The following CLASP1 variants were observed in gnomAD, a reference collection of about 807,000 sequenced individuals.
CLASP1 encodes the protein cytoplasmic linker associated protein 1, also known as CLIP-associating protein 1.
In CLASP1, 38 loss-of-function variants were observed where a neutral mutation model predicts 192.3. That is an observed-to-expected ratio of 0.20 (90% confidence interval 0.15 to 0.26). The LOEUF is 0.26. Among genes scored for constraint, CLASP1 ranks in the 10% least tolerant of loss-of-function variants. The pLI is 1.00. For missense variants in CLASP1, 1,433 were observed against 1,932.5 expected (o/e 0.74, Z 4.85); for synonymous variants, 691 against 712.8 (o/e 0.97, Z 0.49).
At chr2:121,406,955 T>C (rs550473314) in intron 25 of CLASP1, among the ~76,000 whole-genome samples, 60 of 151,668 alleles carry the variant, frequency 4.0e-4, no homozygotes, top group Non-Finnish European at 7.8e-4. Flanking sequence ...CGGTGGCTCA[T>C]GCCTGTAAGC....
chr2:121,540,617 T>C (rs2095210647), intron 2 of CLASP1, among the ~76,000 whole-genome samples: 1 of 151,898 alleles, frequency 6.6e-6, no homozygotes, highest in African/African-American at 2.4e-5. Context: ...TGAAACCCCG[T>C]TTCTACTAAA....
intron 30 of CLASP1, among the ~76,000 whole-genome samples, chr2:121,393,680 A>G (rs924154020): frequency 6.6e-6 from 1 of 152,194 alleles, no homozygotes; most frequent in East Asian, 1.9e-4. Context: ...ACATCAAAAC[A>G]GGGAATTTAA....
In CLASP1 at chr2:121,398,404, G is replaced by C. The variant is rs749402817; in HGVS notation, c.2901-4C>G. On this transcript the variant is annotated splice_polypyrimidine_tract_variant and splice_region_variant and intron_variant, in intron 28 of 39. Transcript: ENST00000263710. ...TTGATCAAATGGAAAGGAGTCCCTA[G>C]GTTGGTGGGAAAAAAGTGCTTATTT... 1 of 1,574,424 alleles carries C rather than the reference G, an allele frequency of 6.4e-7. No individual in the cohort carries two copies.
chr2:121,354,748 G>C (rs2065085130), intron 37 of CLASP1, among the ~76,000 whole-genome samples: 1 of 152,228 alleles, frequency 6.6e-6, no homozygotes, highest in South Asian at 2.1e-4. Context: ...TGATGCACAG[G>C]AGTCAATATC....
chr2:121,537,228 C>CA (rs1279243175), intron 2 of CLASP1, among the ~76,000 whole-genome samples: 2 of 151,838 alleles, frequency 1.3e-5, no homozygotes, highest in Non-Finnish European at 2.9e-5. Context: ...CCTGTCTCTA[C>CA]AAAAAATACA....
chr2:121,609,701 G>A (rs190771191), intron 1 of CLASP1, among the ~76,000 whole-genome samples: 215 of 152,342 alleles, frequency 1.4e-3, no homozygotes, highest in Non-Finnish European at 2.6e-3. Flanking sequence ...CCAAGACTTT[G>A]GGAGGCTGAG....
At position 121,451,816 on chromosome 2, in the gene CLASP1, T is replaced by C. The variant is rs776203214; in HGVS notation, c.1419A>G (p.Gln473=). ...GTTCTAGTGAATGTGTCTGCCATTC[T>C]TGTAAAAGCAAATCTAAAAATTCAA... The change falls in exon 15 of 40, where the codon CAA becomes CAG. Residue 473 remains glutamine (Q), a synonymous_variant. Transcript: ENST00000263710. The C allele has an allele frequency of 2.1e-5, 33 of 1,575,386 alleles. No homozygotes were observed. In the African/African-American group the frequency reaches 3.5e-4, roughly 17 times the overall value.
intron 37 of CLASP1, among the ~76,000 whole-genome samples, chr2:121,359,886 G>C (rs2066044685): frequency 6.6e-6 from 1 of 152,142 alleles, no homozygotes; most frequent in South Asian, 2.1e-4. Context: ...TTTGGTACTT[G>C]GCACATTTTC....
intron 19 of CLASP1, among the ~76,000 whole-genome samples, chr2:121,438,600 G>C (rs112160143): frequency 0.042 from 6,347 of 152,102 alleles, 169 homozygotes; most frequent in East Asian, 0.14. Flanking sequence ...TGTGGTTTTT[G>C]TCTTTGGCTC....
exon 40 of CLASP1, chr2:121,340,189 G>T (rs772049734): frequency 2.6e-5 from 4 of 152,218 alleles, no homozygotes; most frequent in Non-Finnish European, 5.9e-5. Flanking sequence ...TGTCGGTGGA[G>T]TCGATTAGGG....
At chr2:121,345,052 G>A (rs984385151) in intron 39 of CLASP1, among the ~76,000 whole-genome samples, 6 of 152,296 alleles carry the variant, frequency 3.9e-5, no homozygotes, top group African/African-American at 2.4e-5. Flanking sequence ...CCAGCTACTC[G>A]GGAGGCTGAG....
At chr2:121,615,908 C>T (rs550036818) in intron 1 of CLASP1, among the ~76,000 whole-genome samples, 104 of 152,196 alleles carry the variant, frequency 6.8e-4, no homozygotes, top group African/African-American at 2.3e-3. Flanking sequence ...TCTGCCTGGC[C>T]CCAAAGTTTG....
At chr2:121,384,284 G>A (rs115258056) in intron 32 of CLASP1, among the ~76,000 whole-genome samples, 5,623 of 151,814 alleles carry the variant, frequency 0.037, 156 homozygotes, top group East Asian at 0.14. Flanking sequence ...CATGTCCTGC[G>A]CTCAAGCAAT....
chr2:121,430,203 T>G (rs772357661), intron 19 of CLASP1, 26 bp from the exon 20 acceptor site: 1 of 1,517,162 alleles, frequency 6.6e-7, no homozygotes, highest in Non-Finnish European at 9.0e-7. Flanking sequence ...AAAACAGTGT[T>G]TCACAACATT....
rs76266125 is a variant in CLASP1, at chr2:121,517,298, T to G, written c.547-1536A>C. Among the ~76,000 whole-genome samples the G allele has an allele frequency of 9.4e-3, 1,426 of 152,190 alleles. 24 individuals carry two copies. The highest frequency in any genetic ancestry group is 0.032 in the African/African-American group (1,348 of 41,508). ...AGTAAGCAAAGATGGGAGTACAACA[T>G]CAAGGTAGTGGAGAATGAAGAGAAA... On this transcript the variant is annotated intron_variant, in intron 6 of 39. Transcript: ENST00000263710.
chr2:121,588,765 T>G (rs147132239), intron 2 of CLASP1, among the ~76,000 whole-genome samples: 38 of 152,016 alleles, frequency 2.5e-4, no homozygotes, highest in Non-Finnish European at 4.6e-4. Context: ...CCCCAACCAA[T>G]CTAAAGTATG....
intron 19 of CLASP1, among the ~76,000 whole-genome samples, chr2:121,430,719 T>A (rs1369064750): frequency 6.6e-6 from 1 of 152,162 alleles, no homozygotes; most frequent in Non-Finnish European, 1.5e-5. Flanking sequence ...ATATGCAGCA[T>A]TAAACTTCTA....
chr2:121,385,013 T>C (rs2072877025), intron 32 of CLASP1, among the ~76,000 whole-genome samples: 2 of 152,188 alleles, frequency 1.3e-5, no homozygotes, highest in South Asian at 4.1e-4. Flanking sequence ...ATCAACATTT[T>C]AAGAGCAATG....
At chr2:121,529,333 A>T (rs972811195) in intron 3 of CLASP1, among the ~76,000 whole-genome samples, 4 of 152,208 alleles carry the variant, frequency 2.6e-5, no homozygotes, top group Non-Finnish European at 5.9e-5. Flanking sequence ...AGCTTATTTT[A>T]AGAGTTTGTA....
Sources: allele counts gnomAD v4.1 joint callset (sites outside exome capture counted in the v4.1 genomes callset), GRCh38; gene constraint gnomAD v4.1.1; transcripts MANE v1.5; gene names NCBI Gene and HGNC (gene_info 2026-07-23, HGNC 2026-07-21).